The following WDR17 variants were observed in gnomAD, a reference collection of about 807,000 sequenced individuals.
WDR17 encodes the protein WD repeat domain 17.
WDR17 carries 143 observed loss-of-function variants against 161.7 expected under a neutral mutation model. The observed-to-expected ratio is 0.88, with a 90% confidence interval of 0.77 to 1.02. The LOEUF is 1.02. WDR17 is among the 50% of genes least tolerant of loss of function. WDR17 has a pLI of 0.00. For missense variants in WDR17, 1,469 were observed against 1,520.9 expected, an observed-to-expected ratio of 0.97 and a Z score of 0.57; for synonymous variants, 517 against 515.6, an observed-to-expected ratio of 1.00 and a Z score of -0.04.
At chr4:176,172,942 C>G (rs377087723) in intron 24 of WDR17, among the ~76,000 whole-genome samples, 2 of 152,134 alleles carry the variant, frequency 1.3e-5, no homozygotes, top group East Asian at 3.9e-4. Flanking sequence ...ATCCAAACAC[C>G]TCCCTACTCC....
chr4:176,095,796 A>G (rs1160951278), intron 1 of WDR17, among the ~76,000 whole-genome samples: 1 of 152,116 alleles, frequency 6.6e-6, no homozygotes. Context: ...TTAAGCATCT[A>G]AACATTACAG....
At chr4:176,124,957 TC>T (rs1742215950) in intron 4 of WDR17, 146 bp from the exon 5 acceptor site, 1 of 908,534 alleles carries the variant, frequency 1.1e-6, no homozygotes, top group African/African-American at 1.7e-5. Flanking sequence ...CATTCACATG[TC>T]AGTTACGCCT....
chr4:176,111,455 A>C, intron 1 of WDR17, 120 bp from the exon 2 acceptor site: 2 of 1,068,556 alleles, frequency 1.9e-6, no homozygotes, highest in South Asian at 2.6e-5. Flanking sequence ...CAAAATTAAT[A>C]GTACTAGTAA....
chr4:176,096,258 G>A (rs996361335), intron 1 of WDR17, among the ~76,000 whole-genome samples: 6 of 151,930 alleles, frequency 3.9e-5, no homozygotes, highest in Non-Finnish European at 5.9e-5. Flanking sequence ...AAACAGAAAG[G>A]TTAATAAAAT....
At chr4:176,105,378 G>T (rs2126673360) in intron 1 of WDR17, among the ~76,000 whole-genome samples, 1 of 152,078 alleles carries the variant, frequency 6.6e-6, no homozygotes. Context: ...AGATCTAACA[G>T]ACATATACAG....
chr4:176,090,716 G>A lies in WDR17; in HGVS notation c.-6-20859G>A, dbSNP rs559703648. On this transcript the variant is annotated intron_variant, in intron 1 of 28. Coordinates refer to ENST00000508596, the MANE Select transcript of WDR17 (RefSeq NM_181265.4). Reference sequence around the variant, plus strand: ...TTAAAGACACACACAGAAATATAGAGTATGGAGTGGGAAATTAGGAGTCTC... The same window carrying A: ...TTAAAGACACACACAGAAATATAGAATATGGAGTGGGAAATTAGGAGTCTC... Among the ~76,000 whole-genome samples the A allele has an allele frequency of 4.6e-5, 7 of 152,252 alleles. No individual in the cohort carries two copies. In the South Asian group the frequency reaches 1.5e-3, roughly 32 times the overall value.
At chr4:176,090,990 G>T (rs1178009126) in intron 1 of WDR17, among the ~76,000 whole-genome samples, 2 of 152,168 alleles carry the variant, frequency 1.3e-5, no homozygotes, top group Non-Finnish European at 2.9e-5. Context: ...TTTCCACCCT[G>T]GGTGGGCCAG....
At chr4:176,155,545 G>GGTTTTTTTTTTT (rs1747937484) in intron 17 of WDR17, among the ~76,000 whole-genome samples, 1 of 105,248 alleles carries the variant, frequency 9.5e-6, no homozygotes, top group African/African-American at 3.9e-5. Flanking sequence ...ATTTGTTTGT[G>GGTTTTTTTTTTT]TTTTTTTTTT....
intron 1 of WDR17, among the ~76,000 whole-genome samples, chr4:176,086,524 T>G (rs945460359): frequency 6.6e-6 from 1 of 151,972 alleles, no homozygotes; most frequent in Non-Finnish European, 1.5e-5. Context: ...TTCAGTCTCA[T>G]TGTCACCTTT....
intron 21 of WDR17, 127 bp downstream of exon 21, chr4:176,162,301 T>C: frequency 2.8e-6 from 2 of 703,654 alleles, no homozygotes; most frequent in South Asian, 2.0e-5. Flanking sequence ...GCCTGAGTAA[T>C]TAAGTAATTA....
chr4:176,125,481 T>C, intron 5 of WDR17, 126 bp downstream of exon 5: 1 of 1,157,270 alleles, frequency 8.6e-7, no homozygotes, highest in Non-Finnish European at 1.2e-6. Context: ...TTATTTATTG[T>C]AGTAAATTAC....
At chr4:176,095,359 G>T (rs1736692307) in intron 1 of WDR17, among the ~76,000 whole-genome samples, 1 of 152,134 alleles carries the variant, frequency 6.6e-6, no homozygotes, top group East Asian at 1.9e-4. Flanking sequence ...TGCCAGTCCT[G>T]GAGCTTGTTG....
intron 1 of WDR17, among the ~76,000 whole-genome samples, chr4:176,089,593 T>C (rs1735856167): frequency 6.6e-6 from 1 of 151,770 alleles, no homozygotes; most frequent in African/African-American, 2.4e-5. Flanking sequence ...TGCCGAGTGT[T>C]GTATGTATGA....
At chr4:176,145,892 A>C in intron 11 of WDR17, 103 bp from the exon 12 acceptor site, 1 of 1,086,022 alleles carries the variant, frequency 9.2e-7, no homozygotes, top group East Asian at 2.7e-5. Context: ...TTCACTAAGG[A>C]AGCAAAAATT....
At chr4:176,159,382 A>G (rs1748691258) in intron 18 of WDR17, among the ~76,000 whole-genome samples, 1 of 152,092 alleles carries the variant, frequency 6.6e-6, no homozygotes, top group East Asian at 1.9e-4. Context: ...GACAGATTAC[A>G]GAAACAGACA....
intron 2 of WDR17, among the ~76,000 whole-genome samples, chr4:176,112,724 G>T (rs1184846552): frequency 1.3e-5 from 2 of 151,912 alleles, no homozygotes; most frequent in Non-Finnish European, 2.9e-5. Flanking sequence ...CTGCCTCTCT[G>T]CATGCTTTCA....
chr4:176,106,513 T>G (rs7669858), intron 1 of WDR17, among the ~76,000 whole-genome samples: 1 of 152,210 alleles, frequency 6.6e-6, no homozygotes, highest in African/African-American at 2.4e-5. Flanking sequence ...ACCAATATCT[T>G]TAAAGCTTTT....
chr4:176,115,723 G>T (rs1740505258), intron 2 of WDR17, 73 bp from the exon 3 acceptor site: 1 of 1,185,796 alleles, frequency 8.4e-7, no homozygotes, highest in Non-Finnish European at 1.1e-6. Flanking sequence ...TTAGTTTTGT[G>T]TAATGTGAAT....
At chr4:176,163,040 A>G in intron 21 of WDR17, 114 bp from the exon 22 acceptor site, 1 of 1,282,990 alleles carries the variant, frequency 7.8e-7, no homozygotes, top group Non-Finnish European at 1.1e-6. Flanking sequence ...ATATTTTATA[A>G]GAATAATTGA....
Sources: allele counts gnomAD v4.1 joint callset (sites outside exome capture counted in the v4.1 genomes callset), GRCh38; gene constraint gnomAD v4.1.1; transcripts MANE v1.5; gene names NCBI Gene and HGNC (gene_info 2026-07-23, HGNC 2026-07-21).